Variants in TMC7 observed in about 807,000 individuals in gnomAD.
The protein encoded by TMC7 is transmembrane channel-like protein 7.
A neutral mutation model predicts 82.9 loss-of-function variants in TMC7; 54 were observed. The ratio of observed to expected loss-of-function variants is 0.65; its 90% CI spans 0.52 to 0.82. The LOEUF (loss-of-function observed/expected upper bound fraction) is 0.82. Among genes scored for constraint, TMC7 ranks in the 40% least tolerant of loss-of-function variants. TMC7 has a pLI of 0.00. For synonymous variants in TMC7, 350 were observed against 337.9 expected (o/e 1.04, Z -0.39); for missense variants, 820 against 901.2 (o/e 0.91, Z 1.15).
intron 6 of TMC7, chr16:19,033,781 G>A (rs1193168535): frequency 6.6e-6 from 1 of 152,172 alleles, no homozygotes; most frequent in African/African-American, 2.4e-5. Context: ...GCATATTTCT[G>A]GAGCCCACAT....
In TMC7 at chr16:19,030,268, T is replaced by G. The variant is rs1176785582; in HGVS notation, c.756T>G (p.Ile252Met). 1.9e-6 allele frequency: 3 copies of G among 1,613,416 alleles called. No homozygotes were observed. The African/African-American group carries it at 4.0e-5, about 22-fold the overall frequency. The change falls in exon 6 of 16, where the codon ATT (isoleucine) becomes ATG (methionine). Residue 252 changes from isoleucine to methionine, a missense_variant. By Grantham distance (10) the Ile-to-Met change is conservative. Around this residue, in one of 2 missense-constraint regions of TMC7, gnomAD observed 650 missense variants for 669.9 expected, o/e 0.97. Transcript: ENST00000304381. ...GCCTCTTTTACGGACATTACACCAT[T>G]GATGGGGTGAAATTTCAGAACTTCA... is the stretch of plus-strand genomic sequence containing the variant. ...ETSLFYGHYT[I>M]DGVKFQNFTY...
chr16:19,047,375 A>T, intron 12 of TMC7, 126 bp downstream of exon 12: 4 of 792,950 alleles, frequency 5.0e-6, no homozygotes, highest in South Asian at 4.5e-5. Context: ...TATTTAAAAT[A>T]TATGTTTATT....
rs1268718748 is a variant in TMC7 at position 19,012,057 on chromosome 16, G to A, written c.311+2642G>A. On this transcript the variant is annotated intron_variant, in intron 2 of 15. Coordinates refer to ENST00000304381, the MANE Select transcript of TMC7 (RefSeq NM_024847.4). ...CTCAGGGAAGATCACCTGAGCCCAG[G>A]AGGTTGAGGCTGCAGCAAGCCAAGA... 2.0e-5 allele frequency: 3 copies of A among 151,098 alleles called. No homozygotes were observed. The East Asian group carries it at 5.8e-4, about 29-fold the overall frequency. 9.4% of individuals were successfully genotyped at this position (151,098 alleles called of 1,614,324 possible).
At chr16:19,058,305 G>A (rs1446492082) in intron 14 of TMC7, among the ~76,000 whole-genome samples, 9 of 152,230 alleles carry the variant, frequency 5.9e-5, no homozygotes, top group East Asian at 3.9e-4. Flanking sequence ...CCTTGAACCC[G>A]AGAGGCAGAG....
At chr16:19,055,888 C>T (rs1243841011) in intron 13 of TMC7, among the ~76,000 whole-genome samples, 1 of 152,020 alleles carries the variant, frequency 6.6e-6, no homozygotes, top group Non-Finnish European at 1.5e-5. Flanking sequence ...TCTTTTAATC[C>T]CTGATTCTTT....
chr16:19,042,923 CT>C (rs1424479695), intron 9 of TMC7, among the ~76,000 whole-genome samples: 1 of 151,668 alleles, frequency 6.6e-6, no homozygotes, highest in East Asian at 1.9e-4. Flanking sequence ...ATTTTTTGTA[CT>C]TTTAGTAGAG....
At chr16:19,014,244 A>G (rs1422300767) in intron 2 of TMC7, among the ~76,000 whole-genome samples, 2 of 151,960 alleles carry the variant, frequency 1.3e-5, no homozygotes, top group African/African-American at 4.8e-5. Context: ...GATGTTTAGC[A>G]ACATCCCTGG....
intron 7 of TMC7, among the ~76,000 whole-genome samples, chr16:19,036,732 GA>G (rs1267828957): frequency 6.6e-6 from 1 of 151,762 alleles, no homozygotes; most frequent in Admixed American, 6.6e-5. Context: ...AAAAGTACAT[GA>G]GAGTTTCCAA....
At chr16:19,051,111 G>A (rs1961517140) in intron 12 of TMC7, among the ~76,000 whole-genome samples, 1 of 151,912 alleles carries the variant, frequency 6.6e-6, no homozygotes, top group South Asian at 2.1e-4. Context: ...ATCAATGACT[G>A]TAGCGTTAAA....
intron 1 of TMC7, among the ~76,000 whole-genome samples, chr16:19,005,101 T>TTTA (rs2039214899): frequency 7.0e-6 from 1 of 142,420 alleles, no homozygotes. Context: ...TATTTATTTA[T>TTTA]TTTCTGAGAC....
At chr16:19,039,829 A>G (rs28695599) in intron 8 of TMC7, among the ~76,000 whole-genome samples, 87,728 of 151,850 alleles carry the variant, frequency 0.58, 26,321 homozygotes, top group East Asian at 0.77. Context: ...GAAGAAGGAG[A>G]TGGCGGCCGG....
intron 6 of TMC7, among the ~76,000 whole-genome samples, chr16:19,033,187 AG>A (rs1195287007): frequency 1.3e-5 from 2 of 152,134 alleles, no homozygotes; most frequent in Non-Finnish European, 2.9e-5. Flanking sequence ...GCATCCTGGA[AG>A]GGTTGCTGGG....
chr16:18,997,658 A>T (rs1179884753), intron 1 of TMC7, among the ~76,000 whole-genome samples: 2 of 151,262 alleles, frequency 1.3e-5, no homozygotes, highest in African/African-American at 2.4e-5. Flanking sequence ...CACCGCACCC[A>T]GCCACCGCAC....
chr16:19,042,079 G>A (rs1309168851), intron 9 of TMC7, among the ~76,000 whole-genome samples: 4 of 152,142 alleles, frequency 2.6e-5, no homozygotes, highest in South Asian at 2.1e-4. Context: ...CAGGGGTGCC[G>A]TGTCCTTCCT....
At chr16:19,026,421 G>A (rs193288679) in intron 5 of TMC7, among the ~76,000 whole-genome samples, 15 of 151,002 alleles carry the variant, frequency 9.9e-5, no homozygotes, top group Admixed American at 6.6e-4. Context: ...AGCTTGCAGC[G>A]AGCCGAGATC....
Position 19,027,363 on chromosome 16 carries a change from G to A in TMC7, c.712-2861G>A, listed in dbSNP as rs139856573. ...ATTACAGGTGTGAGCCACTGTGCCCGGCCCAGAACCACTAACTCTTGAGCA... is the reference window on the plus strand; with the variant it reads ...ATTACAGGTGTGAGCCACTGTGCCCAGCCCAGAACCACTAACTCTTGAGCA... On this transcript the variant is annotated intron_variant, in intron 5 of 15. Transcript: ENST00000304381. 6.2e-3 allele frequency among the ~76,000 whole-genome samples: 948 copies of A among 152,100 alleles called. 8 individuals are homozygous for A. The highest frequency in any genetic ancestry group is 0.022 in the African/African-American group (906 of 41,490).
chr16:19,026,865 G>A lies in TMC7; in HGVS notation c.712-3359G>A, dbSNP rs556713529. Among the ~76,000 whole-genome samples, 21 of 149,904 alleles carry A rather than the reference G, an allele frequency of 1.4e-4. No homozygotes were observed. In the South Asian group the frequency reaches 4.3e-3, roughly 30 times the overall value. ...CAACCTCTGCCCCCTGGGTTCAAGC[G>A]ATTCTCCTGCCTCAGCCTCCCAAGT... On this transcript the variant is annotated intron_variant, in intron 5 of 15. Coordinates refer to ENST00000304381, the MANE Select transcript of TMC7 (RefSeq NM_024847.4).
At chr16:19,005,128 G>T (rs2039215633) in intron 1 of TMC7, among the ~76,000 whole-genome samples, 1 of 150,674 alleles carries the variant, frequency 6.6e-6, no homozygotes, top group Admixed American at 6.6e-5. Flanking sequence ...TCGCTCTGTC[G>T]CCCAGGCTGG....
At chr16:19,049,726 C>T in intron 12 of TMC7, 1 of 931,122 alleles carries the variant, frequency 1.1e-6, no homozygotes, top group Non-Finnish European at 1.3e-6. Flanking sequence ...CCAGGCATGT[C>T]CCGCCGGCTG....
Sources: gnomAD v4.1 joint callset for allele counts (sites outside exome capture counted in the v4.1 genomes callset) on GRCh38, gnomAD v4.1.1 for gene constraint, gnomAD v4.1.1 regional missense constraint, MANE v1.5 for transcripts, NCBI Gene and HGNC (gene_info 2026-07-23, HGNC 2026-07-21) for gene names.